NEGR1: variants seen among roughly 807,000 people sequenced by gnomAD.
NEGR1 encodes IgLON family member 4.
NEGR1 carries 10 observed loss-of-function variants against 40.9 expected under a neutral mutation model. The observed-to-expected ratio is 0.24, with a 90% CI of 0.15 to 0.42. The LOEUF is 0.42. NEGR1 is among the 10% of genes least tolerant of loss of function. The pLI, the probability that NEGR1 is intolerant of heterozygous loss-of-function variation, is 1.00. For missense variants in NEGR1, 352 were observed against 438.9 expected (o/e 0.80, Z 1.77); for synonymous variants, 185 against 166.8 (o/e 1.11, Z -0.84).
chr1:72,041,130 T>C (rs1646950263), intron 1 of NEGR1, among the ~76,000 whole-genome samples: 1 of 152,014 alleles, frequency 6.6e-6, no homozygotes, highest in Non-Finnish European at 1.5e-5. Context: ...CATAAAACAT[T>C]TAAAAATATG....
intron 1 of NEGR1, among the ~76,000 whole-genome samples, chr1:72,057,000 C>T (rs1415723824): frequency 6.6e-6 from 1 of 151,464 alleles, no homozygotes; most frequent in African/African-American, 2.4e-5. Flanking sequence ...TTTCTCTGTC[C>T]TTTGTGTCCC....
intron 2 of NEGR1, among the ~76,000 whole-genome samples, chr1:71,807,197 T>C (rs1191776824): frequency 6.6e-6 from 1 of 152,014 alleles, no homozygotes; most frequent in Non-Finnish European, 1.5e-5. Context: ...CACCTGGCCA[T>C]GTCGATCTAT....
intron 6 of NEGR1, among the ~76,000 whole-genome samples, chr1:71,462,052 AATTT>A (rs1646717991): frequency 6.6e-6 from 1 of 152,204 alleles, no homozygotes; most frequent in Admixed American, 6.5e-5. Flanking sequence ...TAGATAAATT[AATTT>A]ATTAACCATT....
intron 6 of NEGR1, chr1:71,468,216 GTTAGT>G (rs1646759128): frequency 6.6e-6 from 1 of 151,862 alleles, no homozygotes; most frequent in Non-Finnish European, 1.5e-5. Flanking sequence ...GATTTAGTTT[GTTAGT>G]TTAGTCAGTA....
intron 1 of NEGR1, among the ~76,000 whole-genome samples, chr1:72,056,530 A>C (rs1647112487): frequency 6.6e-6 from 1 of 151,408 alleles, no homozygotes; most frequent in African/African-American, 2.4e-5. Flanking sequence ...CTATCTAGTA[A>C]GTAAAGTTCT....
intron 2 of NEGR1, among the ~76,000 whole-genome samples, chr1:71,841,951 T>C (rs1366753641): frequency 6.6e-6 from 1 of 152,160 alleles, no homozygotes; most frequent in Non-Finnish European, 1.5e-5. Context: ...TCAACGTAAG[T>C]ATCTTCATTT....
intron 6 of NEGR1, among the ~76,000 whole-genome samples, chr1:71,537,413 A>G (rs1215724399): frequency 3.3e-5 from 5 of 151,824 alleles, no homozygotes; most frequent in African/African-American, 1.2e-4. Context: ...CTTCAGTACT[A>G]GTAGCTTTTT....
chr1:71,760,616 A>G (rs1445629150), intron 3 of NEGR1, among the ~76,000 whole-genome samples: 4 of 152,222 alleles, frequency 2.6e-5, no homozygotes, highest in Non-Finnish European at 2.9e-5. Flanking sequence ...CAACTCTGCA[A>G]TGGAACTAGA....
chr1:71,525,796 G>C (rs182120055), intron 6 of NEGR1, among the ~76,000 whole-genome samples: 1 of 151,526 alleles, frequency 6.6e-6, no homozygotes, highest in Non-Finnish European at 1.5e-5. Flanking sequence ...TCTGTTTTAT[G>C]TATATAAAAC....
chr1:71,684,699 A>C (rs1652969101), intron 4 of NEGR1, among the ~76,000 whole-genome samples: 1 of 152,216 alleles, frequency 6.6e-6, no homozygotes, highest in Non-Finnish European at 1.5e-5. Context: ...AAATTGGAAG[A>C]GGAAATTAGG....
intron 4 of NEGR1, among the ~76,000 whole-genome samples, chr1:71,687,074 G>C (rs1653064783): frequency 6.6e-6 from 1 of 152,192 alleles, no homozygotes. Context: ...TATTTGTTTA[G>C]ACTAGGTCAA....
chr1:72,005,537 T>C (rs571248374), intron 1 of NEGR1, among the ~76,000 whole-genome samples: 2 of 152,324 alleles, frequency 1.3e-5, no homozygotes, highest in South Asian at 2.1e-4. Context: ...TCTATAATTA[T>C]ACATATCCAG....
intron 3 of NEGR1, among the ~76,000 whole-genome samples, chr1:71,737,463 G>GA (rs1321428701): frequency 6.6e-6 from 1 of 151,840 alleles, no homozygotes; most frequent in African/African-American, 2.4e-5. Flanking sequence ...AGCAACAAAG[G>GA]AAAAAAGTAA....
chr1:71,528,850 T>C (rs1163271942), intron 6 of NEGR1, among the ~76,000 whole-genome samples: 2 of 151,250 alleles, frequency 1.3e-5, no homozygotes, highest in African/African-American at 4.8e-5. Context: ...GATTGTTTCA[T>C]AGACTTAAAA....
chr1:71,594,463 A>G (rs1649620599), intron 5 of NEGR1, among the ~76,000 whole-genome samples: 2 of 152,222 alleles, frequency 1.3e-5, no homozygotes, highest in Admixed American at 1.3e-4. Flanking sequence ...GAGCAGTCAT[A>G]CTTGATTACT....
At chr1:71,413,377 GC>G (rs1221287581) in intron 6 of NEGR1, among the ~76,000 whole-genome samples, 5 of 152,172 alleles carry the variant, frequency 3.3e-5, no homozygotes, top group Non-Finnish European at 5.9e-5. Flanking sequence ...AACTTGAGAT[GC>G]TTTGCATGGA....
At chr1:71,597,925 A>C (rs1167181370) in intron 5 of NEGR1, among the ~76,000 whole-genome samples, 1 of 152,128 alleles carries the variant, frequency 6.6e-6, no homozygotes, top group East Asian at 1.9e-4. Flanking sequence ...AATTAAAAAA[A>C]AAATTCAGCA....
At chr1:71,552,533 T>G (rs1648121080) in intron 6 of NEGR1, among the ~76,000 whole-genome samples, 1 of 147,850 alleles carries the variant, frequency 6.8e-6, no homozygotes, top group Non-Finnish European at 1.5e-5. Context: ...ATAGAATATA[T>G]ATAGGATATA....
At chr1:71,555,702 T>C (rs149279075) in intron 6 of NEGR1, among the ~76,000 whole-genome samples, 1,868 of 151,728 alleles carry the variant, frequency 0.012, 24 homozygotes, top group South Asian at 0.027. Flanking sequence ...TGAAAGATAA[T>C]AAACACTCTC....
Sources: allele counts gnomAD v4.1 joint callset (sites outside exome capture counted in the v4.1 genomes callset), GRCh38; gene constraint gnomAD v4.1.1; transcripts MANE v1.5; gene names NCBI Gene and HGNC (gene_info 2026-07-23, HGNC 2026-07-21).